The following RAP1A variants were observed in gnomAD, a reference collection of about 807,000 sequenced individuals.
The protein encoded by RAP1A is RAP1A, member of RAS oncogene family.
Under a neutral mutation model 26.4 loss-of-function variants are expected in RAP1A, and 6 were observed. That is an observed-to-expected ratio of 0.23 (90% CI 0.12 to 0.45). The LOEUF is 0.45. Among genes scored for constraint, RAP1A ranks in the 20% least tolerant of loss-of-function variants. The probability of loss-of-function intolerance (pLI) is 0.99; values close to 1 mark genes in which losing one functional copy is unlikely to be tolerated. For synonymous variants in RAP1A, 73 were observed against 79.4 expected, an observed-to-expected ratio of 0.92 and a Z score of 0.43; for missense variants, 121 against 217.2, an observed-to-expected ratio of 0.56 and a Z score of 2.78.
At chr1:111,691,027 T>C (rs1190231501) in intron 1 of RAP1A, among the ~76,000 whole-genome samples, 2 of 152,246 alleles carry the variant, frequency 1.3e-5, no homozygotes, top group Admixed American at 1.3e-4. Context: ...ATTGGGTTTA[T>C]CATTGTAGTC....
At chr1:111,680,942 A>G (rs1327891107) in intron 1 of RAP1A, among the ~76,000 whole-genome samples, 2 of 152,210 alleles carry the variant, frequency 1.3e-5, no homozygotes, top group Admixed American at 6.5e-5. Flanking sequence ...ATGAGGAAAA[A>G]CCAGCACAAA....
intron 1 of RAP1A, among the ~76,000 whole-genome samples, chr1:111,559,659 AATTATT>A (rs573692009): frequency 2.3e-4 from 35 of 152,290 alleles, no homozygotes; most frequent in African/African-American, 7.0e-4. Flanking sequence ...GCAAATATAA[AATTATT>A]ATTATTAATA....
chr1:111,691,946 A>G (rs1295922155), intron 2 of RAP1A, among the ~76,000 whole-genome samples: 1 of 152,190 alleles, frequency 6.6e-6, no homozygotes, highest in Non-Finnish European at 1.5e-5. Flanking sequence ...ACAAAGAACT[A>G]CTTGGTTCTA....
chr1:111,626,490 G>A (rs943857934), intron 1 of RAP1A, among the ~76,000 whole-genome samples: 1 of 152,032 alleles, frequency 6.6e-6, no homozygotes, highest in Non-Finnish European at 1.5e-5. Context: ...AAGTTGTTTT[G>A]TAGAATGGGA....
At chr1:111,692,472 T>C (rs1312730471) in intron 2 of RAP1A, among the ~76,000 whole-genome samples, 8 of 152,232 alleles carry the variant, frequency 5.3e-5, no homozygotes, top group Non-Finnish European at 1.0e-4. Context: ...TCATTTTTAA[T>C]GGCATATAAC....
rs1661794641 is a variant in RAP1A at position 111,695,328 on chromosome 1, T to C, written c.58-13T>C. ...CTTTAATTTTTTAATATTTCTCTTT[T>C]TTTTTCCCCCAGACAGTTCAGTTTG... On this transcript the variant is annotated splice_polypyrimidine_tract_variant and intron_variant, in intron 2 of 7. Coordinates refer to ENST00000369709, the MANE Select transcript of RAP1A (RefSeq NM_002884.4). The C allele has an allele frequency of 1.0e-5, 16 of 1,545,862 alleles. No individual in the cohort carries two copies. Among genetic ancestry groups the C allele is most frequent in the Non-Finnish European group, 1.4e-5 (16 of 1,150,918 alleles).
chr1:111,567,581 T>C (rs1657950103), intron 1 of RAP1A, among the ~76,000 whole-genome samples: 1 of 152,192 alleles, frequency 6.6e-6, no homozygotes, highest in Non-Finnish European at 1.5e-5. Flanking sequence ...AAATAAGGTC[T>C]TTATGGAGGT....
intron 1 of RAP1A, among the ~76,000 whole-genome samples, chr1:111,675,314 T>C (rs1380820086): frequency 6.6e-6 from 1 of 152,002 alleles, no homozygotes; most frequent in Non-Finnish European, 1.5e-5. Context: ...ACCCCGTCTC[T>C]ACAAAAAATT....
intron 6 of RAP1A, among the ~76,000 whole-genome samples, chr1:111,706,301 A>G (rs1362777226): frequency 1.3e-5 from 2 of 152,144 alleles, no homozygotes; most frequent in African/African-American, 4.8e-5. Context: ...TTGGTAGTTA[A>G]TAGTTCCTCA....
At chr1:111,649,388 C>T (rs1660187334) in intron 1 of RAP1A, 1 of 370,258 alleles carries the variant, frequency 2.7e-6, no homozygotes. Flanking sequence ...GCAGCCAGAC[C>T]CCAAGCTGTC....
chr1:111,582,021 C>T (rs757146134), intron 1 of RAP1A, among the ~76,000 whole-genome samples: 1 of 152,084 alleles, frequency 6.6e-6, no homozygotes, highest in African/African-American at 2.4e-5. Context: ...GAAATGGAAC[C>T]AAGATTTGAA....
At chr1:111,546,453 G>A (rs969098656) in intron 1 of RAP1A, among the ~76,000 whole-genome samples, 10 of 151,908 alleles carry the variant, frequency 6.6e-5, no homozygotes, top group South Asian at 6.2e-4. Flanking sequence ...GGGAAGCATC[G>A]TTCTTCTCCT....
At position 111,656,542 on chromosome 1, in the gene RAP1A, T is replaced by G. The variant is rs561460216; in HGVS notation, c.-27-34792T>G. On this transcript the variant is annotated intron_variant, in intron 1 of 7. Coordinates refer to ENST00000369709, the MANE Select transcript of RAP1A (RefSeq NM_002884.4). ...GCCTCCCAATCTTTCCTGAACCCAGTTGTGCTTTTGTCCTGGGTTATTACA... is the reference window on the plus strand; with the variant it reads ...GCCTCCCAATCTTTCCTGAACCCAGGTGTGCTTTTGTCCTGGGTTATTACA... 3.3e-5 allele frequency among the ~76,000 whole-genome samples: 5 copies of G among 152,310 alleles called. No individual in the cohort carries two copies. The South Asian group carries it at 1.0e-3, about 32-fold the overall frequency.
At position 111,716,594 on chromosome 1, in the gene RAP1A, A is replaced by ACAT. The variant is rs1662546727; in HGVS notation, c.*4193_*4194insCAT. The ACAT allele has an allele frequency of 2.6e-5, 4 of 152,212 alleles. No individual in the cohort carries two copies. Among genetic ancestry groups the ACAT allele is most frequent in the Non-Finnish European group, 2.9e-5 (2 of 68,046 alleles). 9.4% of individuals were successfully genotyped at this position (152,212 alleles called of 1,614,324 possible). The stretch of plus-strand genomic sequence containing the variant: ...GCGGCCTCCTGTGGTTCTGGGCCCA[A>ACAT]GGTGTGACATACATTTCCCACTAAT... On this transcript the variant is annotated 3_prime_UTR_variant, in exon 8 of 8. Coordinates refer to ENST00000369709, the MANE Select transcript of RAP1A (RefSeq NM_002884.4).
At chr1:111,598,949 A>C (rs929257994) in intron 1 of RAP1A, among the ~76,000 whole-genome samples, 3 of 152,136 alleles carry the variant, frequency 2.0e-5, no homozygotes, top group Non-Finnish European at 4.4e-5. Flanking sequence ...TTGATTTGCT[A>C]GAGTGGCTCA....
rs10494135 is a variant in RAP1A, at chr1:111,571,805, C to T, written c.-28+29296C>T. On this transcript the variant is annotated intron_variant, in intron 1 of 7. Transcript: ENST00000356415. Reference sequence around the variant, plus strand: ...AAGAACATATAACCCCAACTCCATACATAACCTTGAAGTTGGTGAGAGGAT... The same window carrying T: ...AAGAACATATAACCCCAACTCCATATATAACCTTGAAGTTGGTGAGAGGAT... Among the ~76,000 whole-genome samples the T allele has an allele frequency of 0.02, 3,069 of 152,300 alleles. 164 individuals carry two copies. In the East Asian group the frequency reaches 0.21, roughly 11 times the overall value.
At chr1:111,606,028 G>A (rs896693192) in intron 1 of RAP1A, among the ~76,000 whole-genome samples, 4 of 152,156 alleles carry the variant, frequency 2.6e-5, no homozygotes, top group Non-Finnish European at 5.9e-5. Flanking sequence ...ATGCCTCTGC[G>A]CAGTTTCCCT....
intron 1 of RAP1A, among the ~76,000 whole-genome samples, chr1:111,633,967 TAAA>T (rs1462447276): frequency 6.6e-6 from 1 of 152,200 alleles, no homozygotes; most frequent in Admixed American, 6.5e-5. Context: ...ATATTGGACA[TAAA>T]GAATCATTGC....
chr1:111,567,009 C>T (rs551868405), intron 1 of RAP1A, among the ~76,000 whole-genome samples: 3 of 151,918 alleles, frequency 2.0e-5, no homozygotes, highest in African/African-American at 7.2e-5. Context: ...CATGGTATAT[C>T]GATAGTTTTA....
Sources: allele counts gnomAD v4.1 joint callset (sites outside exome capture counted in the v4.1 genomes callset), GRCh38; gene constraint gnomAD v4.1.1; transcripts MANE v1.5; gene names NCBI Gene and HGNC (gene_info 2026-07-23, HGNC 2026-07-21).